COL4A4: variants seen among roughly 807,000 people sequenced by gnomAD.
The protein encoded by COL4A4 is collagen type IV alpha 4 chain.
A neutral mutation model predicts 192.9 loss-of-function variants in COL4A4; 105 were observed. That is an observed-to-expected ratio of 0.54 (90% CI 0.46 to 0.64). The LOEUF (loss-of-function observed/expected upper bound fraction) is 0.64, where lower values mean the gene tolerates loss of function less well. Among genes scored for constraint, COL4A4 ranks in the 30% least tolerant of loss-of-function variants. The pLI, the probability that COL4A4 is intolerant of heterozygous loss-of-function variation, is 0.00. For synonymous variants in COL4A4, 762 were observed against 769.9 expected (o/e 0.99, Z 0.17); for missense variants, 1,967 against 2,169.3 (o/e 0.91, Z 1.85).
the COL4A4 span, among the ~76,000 whole-genome samples, chr2:226,982,228 T>C: frequency 7.2e-4 from 109 of 152,322 alleles, no homozygotes; most frequent in African/African-American, 2.5e-3. Context: ...CTCACTCTAA[T>C]TGCAGGTTTT....
chr2:226,999,111 G>A (rs1297759773), downstream of COL4A4: 3 of 152,134 alleles, frequency 2.0e-5, no homozygotes, highest in Non-Finnish European at 4.4e-5. Context: ...GCTTCATGAG[G>A]GCAGGGACCA....
the COL4A4 span, among the ~76,000 whole-genome samples, chr2:226,991,745 G>T: frequency 6.6e-6 from 1 of 152,196 alleles, no homozygotes; most frequent in African/African-American, 2.4e-5. Context: ...CTTGCTCAAG[G>T]TTGTGTAGCT....
the COL4A4 span, among the ~76,000 whole-genome samples, chr2:226,978,177 G>A: frequency 1.3e-5 from 2 of 152,246 alleles, no homozygotes; most frequent in South Asian, 2.1e-4. Flanking sequence ...ATTCTAGAAC[G>A]CTGTTACACT....
At chr2:227,157,830 A>C (rs1475390758) in intron 1 of COL4A4, among the ~76,000 whole-genome samples, 1 of 152,068 alleles carries the variant, frequency 6.6e-6, no homozygotes, top group Non-Finnish European at 1.5e-5. Flanking sequence ...TCAAACATTT[A>C]ATGAAAAAAT....
chr2:227,050,759 ACT>A (rs1460151917), intron 33 of COL4A4, among the ~76,000 whole-genome samples: 4 of 152,000 alleles, frequency 2.6e-5, no homozygotes, highest in Non-Finnish European at 5.9e-5. Context: ...CGATTATATG[ACT>A]CTATGTTAGG....
chr2:226,983,755 T>G, the COL4A4 span, among the ~76,000 whole-genome samples: 3 of 152,206 alleles, frequency 2.0e-5, no homozygotes, highest in Non-Finnish European at 2.9e-5. Context: ...GGTCTTTGAT[T>G]TCAAAAGTCA....
chr2:227,109,022 G>A (rs957977247), intron 10 of COL4A4, 154 bp from the exon 11 acceptor site: 6 of 924,668 alleles, frequency 6.5e-6, no homozygotes, highest in Non-Finnish European at 1.1e-5. Context: ...GCTGTTTTCT[G>A]TGAAGATGAT....
In COL4A4 at chr2:227,123,390, G is replaced by T. The variant is rs901325064; in HGVS notation, c.193-2242C>A. Reference sequence around the variant, plus strand: ...CCTCACAGCCTGACTTCATCAGGGTGCTCCAGGAGCAACACAGAGGATGAG... The same window carrying T: ...CCTCACAGCCTGACTTCATCAGGGTTCTCCAGGAGCAACACAGAGGATGAG... On this transcript the variant is annotated intron_variant, in intron 4 of 47. Coordinates refer to ENST00000396625, the MANE Select transcript of COL4A4 (RefSeq NM_000092.5). The surrounding 1 kb of genome is among the most constrained non-coding windows in gnomAD (Gnocchi z 4.6). 6.6e-6 allele frequency among the ~76,000 whole-genome samples: 1 copy of T among 152,206 alleles called. No homozygotes were observed. Among genetic ancestry groups the T allele is most frequent in the Non-Finnish European group, 1.5e-5 (1 of 68,032 alleles).
At chr2:227,104,224 T>A (rs1251766907) in intron 12 of COL4A4, 172 bp from the exon 13 acceptor site, 4 of 659,254 alleles carry the variant, frequency 6.1e-6, no homozygotes. Flanking sequence ...TATAAAAATT[T>A]AATACACACT....
chr2:227,029,688 A>G (rs1054794018), intron 41 of COL4A4, among the ~76,000 whole-genome samples: 3 of 152,232 alleles, frequency 2.0e-5, no homozygotes, highest in Non-Finnish European at 4.4e-5. Flanking sequence ...TCTTTTTTCA[A>G]CAAAAAGCTT....
intron 35 of COL4A4, among the ~76,000 whole-genome samples, chr2:227,046,732 G>A (rs1021917034): frequency 1.3e-5 from 2 of 151,988 alleles, no homozygotes; most frequent in African/African-American, 4.8e-5. Flanking sequence ...TGTTCTGTCG[G>A]CTTGAACTCA....
intron 42 of COL4A4, among the ~76,000 whole-genome samples, chr2:227,027,105 T>C (rs1192822425): frequency 6.6e-6 from 1 of 151,774 alleles, no homozygotes; most frequent in Non-Finnish European, 1.5e-5. Context: ...AATACAAAAA[T>C]TAGCTAGGCG....
At chr2:227,016,604 T>C (rs144490807) in intron 44 of COL4A4, among the ~76,000 whole-genome samples, 6 of 152,214 alleles carry the variant, frequency 3.9e-5, no homozygotes, top group South Asian at 2.1e-4. Flanking sequence ...GAGGTAGATG[T>C]CTCACTTGCC....
At chr2:226,989,918 G>C in the COL4A4 span, among the ~76,000 whole-genome samples, 2 of 152,174 alleles carry the variant, frequency 1.3e-5, no homozygotes, top group African/African-American at 2.4e-5. Flanking sequence ...TGAGATTCCA[G>C]ATATTATTTC....
At position 227,008,197 on chromosome 2, in the gene COL4A4, C is replaced by G; in HGVS notation, c.4630G>C (p.Ala1544Pro). Reference sequence around the variant, plus strand: ...ATCATGGGGAGGGGCGCAGCGCTGGCCAGCCAGTAGGATCTGTCGTTTCTC... The same window carrying G: ...ATCATGGGGAGGGGCGCAGCGCTGGGCAGCCAGTAGGATCTGTCGTTTCTC... Reference protein sequence around the residue: ...AQRNDRSYWLASAAPLPMMPL... With the variant: ...AQRNDRSYWLPSAAPLPMMPL... Residue 1544 changes from alanine (A) to proline (P), a missense_variant, in exon 47 of 48, where the codon GCC becomes CCC. Physicochemically the swap from Ala to Pro is conservative, Grantham distance 27 (BLOSUM62 -1). Transcript: ENST00000396625. The G allele has an allele frequency of 2.5e-6, 4 of 1,614,168 alleles. No homozygotes were observed. The highest frequency in any genetic ancestry group is 1.1e-5 in the South Asian group (1 of 91,078).
intron 21 of COL4A4, among the ~76,000 whole-genome samples, chr2:227,089,610 C>CATATATATATATATATATATATAT (rs1488061427): frequency 8.9e-6 from 1 of 112,046 alleles, no homozygotes; most frequent in Non-Finnish European, 1.7e-5. Context: ...TATATATATA[C>CATATATATATATATATATATATAT]ATACATATAT....
In COL4A4 at chr2:227,041,688, C is replaced by CAG. The variant is rs569887036; in HGVS notation, c.3505+458_3505+459dup. 1.2e-3 allele frequency among the ~76,000 whole-genome samples: 119 copies of CAG among 100,536 alleles called. 3 individuals are homozygous for CAG. The highest frequency in any genetic ancestry group is 1.9e-3 in the East Asian group (7 of 3,602). The allele number at this position is 100,536 out of a possible 152,430, so 66.0% of individuals were successfully genotyped here. On this transcript the variant is annotated intron_variant, in intron 37 of 47. Coordinates refer to ENST00000396625, the MANE Select transcript of COL4A4 (RefSeq NM_000092.5). The stretch of plus-strand genomic sequence containing the variant: ...AAGAAAAGGAAAAAAGAAAGAAAGA[C>CAG]AGAGAGAGAGAGAGAGAAGGAAGGA...
At chr2:227,126,949 G>A (rs1461236990) in intron 4 of COL4A4, among the ~76,000 whole-genome samples, 1 of 152,082 alleles carries the variant, frequency 6.6e-6, no homozygotes, top group Non-Finnish European at 1.5e-5. Context: ...TAAGTAGCAG[G>A]CCCATAAAAG....
chr2:227,137,365 A>T (rs1355095118), intron 4 of COL4A4, among the ~76,000 whole-genome samples: 8 of 152,196 alleles, frequency 5.3e-5, no homozygotes, highest in Admixed American at 1.3e-4. Flanking sequence ...TCGTGTAATG[A>T]TCTTTCCACG....
Sources: gnomAD v4.1 joint callset for allele counts (sites outside exome capture counted in the v4.1 genomes callset) on GRCh38, gnomAD v4.1.1 for gene constraint, Gnocchi (gnomAD v3.1) non-coding constraint, MANE v1.5 for transcripts, NCBI Gene and HGNC (gene_info 2026-07-23, HGNC 2026-07-21) for gene names.